The following PLCB3 variants were observed in gnomAD, a reference collection of about 807,000 sequenced individuals.
The protein encoded by PLCB3 is 1-phosphatidylinositol 4,5-bisphosphate phosphodiesterase beta-3.
Under a neutral mutation model 152.1 loss-of-function variants are expected in PLCB3, and 54 were observed. The observed-to-expected ratio is 0.36, with a 90% confidence interval of 0.29 to 0.45. The LOEUF is 0.45. PLCB3 is among the 20% of genes least tolerant of loss of function. The pLI, the probability that PLCB3 is intolerant of heterozygous loss-of-function variation, is 1.00. For synonymous variants in PLCB3, 717 were observed against 698.7 expected (o/e 1.03, Z -0.41); for missense variants, 1,248 against 1,687.5 (o/e 0.74, Z 4.56).
intron 19 of PLCB3, among the ~76,000 whole-genome samples, chr11:64,263,121 T>C (rs1420550647): frequency 6.6e-6 from 1 of 152,230 alleles, no homozygotes; most frequent in Non-Finnish European, 1.5e-5. Flanking sequence ...CAAGCTCATA[T>C]CCGCTCTTCA....
Position 64,267,624 on chromosome 11 carries a change from A to G in PLCB3, c.*68A>G. On this transcript the variant is annotated 3_prime_UTR_variant, in exon 31 of 31. Coordinates refer to ENST00000279230, the MANE Select transcript of PLCB3 (RefSeq NM_000932.5). This position sits in a 1 kb window ranked among gnomAD's most constrained non-coding sequence, Gnocchi z 5.2. ...GTGGAGGGCAGGAGGCAATGACACT[A>G]ATGCTTTTTTTTTTTTTTTTTAACT... The G allele has an allele frequency of 9.6e-7, 1 of 1,036,706 alleles. No homozygotes were observed. The highest frequency in any genetic ancestry group is 1.4e-6 in the Non-Finnish European group (1 of 731,154). 64.2% of individuals were successfully genotyped at this position (1,036,706 alleles called of 1,614,324 possible). A position where few individuals can be genotyped will look rare whatever the true frequency, so the allele number is the denominator to read the frequency against.
chr11:64,269,431 C>T (rs564995162), downstream of PLCB3, among the ~76,000 whole-genome samples: 1 of 152,258 alleles, frequency 6.6e-6, no homozygotes, highest in South Asian at 2.1e-4. Context: ...CGCATGAAGC[C>T]TCAGTTTCCA....
intron 10 of PLCB3, among the ~76,000 whole-genome samples, chr11:64,257,108 G>A (rs763921745): frequency 3.4e-5 from 5 of 147,784 alleles, no homozygotes; most frequent in African/African-American, 7.4e-5. Context: ...AGGTTCAAGC[G>A]ATTCTCCTGC....
At chr11:64,263,332 G>T in intron 19 of PLCB3, 166 bp from the exon 20 acceptor site, 1 of 594,376 alleles carries the variant, frequency 1.7e-6, no homozygotes, top group Non-Finnish European at 3.0e-6. Context: ...CCAGGACATG[G>T]AAGTGGGGTC....
chr11:64,265,623 G>A lies in PLCB3; in HGVS notation c.3035+121G>A, dbSNP rs963607698. 55 of 1,436,854 alleles carry A rather than the reference G, an allele frequency of 3.8e-5. 2 individuals carry two copies. The East Asian group carries it at 1.2e-3, about 32-fold the overall frequency. 89.0% of individuals were successfully genotyped at this position (1,436,854 alleles called of 1,614,324 possible). A position where few individuals can be genotyped will look rare whatever the true frequency, so the allele number is the denominator to read the frequency against. On this transcript the variant is annotated intron_variant, in intron 25 of 30. Coordinates refer to ENST00000279230, the MANE Select transcript of PLCB3 (RefSeq NM_000932.5). The stretch of plus-strand genomic sequence containing the variant: ...TGACCCCCAGGGAGGAGGGTTCAGT[G>A]CAAGGATGGAGGAGGCTTTCCACAC...
rs574615761 is a variant in PLCB3 at position 64,258,377 on chromosome 11, C to T, written c.1013-96C>T. 39 of 1,394,554 alleles carry T rather than the reference C, an allele frequency of 2.8e-5. No individual in the cohort carries two copies. The African/African-American group carries it at 4.7e-4, about 17-fold the overall frequency. The allele number at this position is 1,394,554 out of a possible 1,614,324, so 86.4% of individuals were successfully genotyped here. A position where few individuals can be genotyped will look rare whatever the true frequency, so the allele number is the denominator to read the frequency against. Reference sequence around the variant, plus strand: ...GTATCCATCTGAGAGATGGAGAGCCCTCTGCAAATCCAGCATGTCCTGGTT... The same window carrying T: ...GTATCCATCTGAGAGATGGAGAGCCTTCTGCAAATCCAGCATGTCCTGGTT... On this transcript the variant is annotated intron_variant, in intron 10 of 30. Coordinates refer to ENST00000279230, the MANE Select transcript of PLCB3 (RefSeq NM_000932.5). This position sits in a 1 kb window ranked among gnomAD's most constrained non-coding sequence, Gnocchi z 7.2.
chr11:64,265,456 G>T lies in PLCB3; in HGVS notation c.2989G>T (p.Ala997Ser). Residue 997 changes from alanine (A) to serine (S), a missense_variant, in exon 25 of 31, where the codon GCT becomes TCT. By Grantham distance (99) the Ala-to-Ser change is moderately conservative. This residue lies in a region of PLCB3 where 477 missense variants were observed against 489.6 expected (regional missense o/e 0.97). Coordinates refer to ENST00000279230, the MANE Select transcript of PLCB3 (RefSeq NM_000932.5). ...CACCCGCCGCCTGCTGGATGGCCTG[G>T]CTCAGGCACAGGCTGAGGGCAGGTG... ...TLTRRLLDGL[A>S]QAQAEGRCRL... The T allele has an allele frequency of 6.2e-7, 1 of 1,609,300 alleles. No individual in the cohort carries two copies.
chr11:64,255,781 C>T lies in PLCB3; in HGVS notation c.658C>T (p.Leu220=). 1.9e-6 allele frequency: 3 copies of T among 1,614,066 alleles called. No individual in the cohort carries two copies. In the Middle Eastern group the frequency reaches 4.9e-4, roughly 266 times the overall value. The change falls in exon 8 of 31, where the codon CTG becomes TTG. Residue 220 remains leucine, a synonymous_variant. Coordinates refer to ENST00000279230, the MANE Select transcript of PLCB3 (RefSeq NM_000932.5). The surrounding 1 kb of genome is among the most constrained non-coding windows in gnomAD (Gnocchi z 6.8). ...AATCTTTGAGCGGTTCCTGAACAAG[C>T]TGTGTCTGCGGCCGGACATTGACAA... ...LEIFERFLNK[L]CLRPDIDKIL... is the part of the protein sequence containing the mutation.
Position 64,265,198 on chromosome 11 carries a change from G to T in PLCB3, c.2813G>T (p.Arg938Leu), listed in dbSNP as rs766576084. 6.3e-7 allele frequency: 1 copy of T among 1,598,294 alleles called. No homozygotes were observed. Among genetic ancestry groups the T allele is most frequent in the Middle Eastern group, 1.7e-4 (1 of 6,032 alleles). ...CAGGGCCTCTGCTCCCCAGGGCAGCGTGATGATCTCATCGCCAGCATCCTC... is the reference window on the plus strand; with the variant it reads ...CAGGGCCTCTGCTCCCCAGGGCAGCTTGATGATCTCATCGCCAGCATCCTC... ...ASTSLSSPGQRDDLIASILSE... is the reference protein window; with the variant it reads ...ASTSLSSPGQLDDLIASILSE... Residue 938 changes from arginine (R) to leucine (L), a missense_variant, in exon 24 of 31, where the codon CGT (arginine) becomes CTT (leucine). Arg to Leu is a moderately radical substitution (Grantham distance 102). Transcript: ENST00000279230.
chr11:64,254,495 G>A lies in PLCB3; in HGVS notation c.177+3G>A, dbSNP rs1210967797. 8 of 1,613,218 alleles carry A rather than the reference G, an allele frequency of 5.0e-6. No individual in the cohort carries two copies. Among genetic ancestry groups the A allele is most frequent in the Non-Finnish European group, 6.8e-6 (8 of 1,179,608 alleles). ...TGTACTGGACGGGCCCCAACATGGT[G>A]AGGGTGGGCGCTGGTGCAGCTCGCT... is the stretch of plus-strand genomic sequence containing the variant. On this transcript the variant is annotated splice_donor_region_variant and intron_variant, in intron 2 of 30. Transcript: ENST00000279230.
rs750494020 is a variant in PLCB3, at chr11:64,265,094, C to T, written c.2796C>T (p.Leu932=). 3.2e-6 allele frequency: 5 copies of T among 1,550,432 alleles called. No homozygotes were observed. In the Admixed American group the frequency reaches 7.7e-5, roughly 24 times the overall value. The change falls in exon 23 of 31, where the codon CTC becomes CTT. Residue 932 remains leucine, a synonymous_variant. Coordinates refer to ENST00000279230, the MANE Select transcript of PLCB3 (RefSeq NM_000932.5). The stretch of plus-strand genomic sequence containing the variant: ...CCACCTCCCCTGCCAGCACCTCCCT[C>T]AGCAGCCCAGGTAAGGAGTGGCCTG... ...GPTTSPASTS[L]SSPGQRDDLI...
chr11:64,265,243 C>G lies in PLCB3; in HGVS notation c.2842+16C>G. 6.3e-7 allele frequency: 1 copy of G among 1,595,978 alleles called. No individual in the cohort carries two copies. The highest frequency in any genetic ancestry group is 8.5e-7 in the Non-Finnish European group (1 of 1,170,568). On this transcript the variant is annotated intron_variant, in intron 24 of 30. Coordinates refer to ENST00000279230, the MANE Select transcript of PLCB3 (RefSeq NM_000932.5). ...ATCCTCTCAGGTAGGGGGCGGGGTA[C>G]CTGGAGGCAGGGGGCTGCCTTGCAG...
At position 64,267,814 on chromosome 11, in the gene PLCB3, C is replaced by T. The variant is rs1295152166; in HGVS notation, c.*258C>T. The T allele has an allele frequency of 1.6e-5, 7 of 444,146 alleles. No individual in the cohort carries two copies. The South Asian group carries it at 3.1e-4, about 20-fold the overall frequency. The allele number at this position is 444,146 out of a possible 1,614,324, so 27.5% of individuals were successfully genotyped here. A position where few individuals can be genotyped will look rare whatever the true frequency, so the allele number is the denominator to read the frequency against. On this transcript the variant is annotated 3_prime_UTR_variant, in exon 31 of 31. Transcript: ENST00000279230. The surrounding 1 kb of genome is among the most constrained non-coding windows in gnomAD (Gnocchi z 5.2). ...CCCTCGAGCTAGCAGCGTCTCCTCC[C>T]TTCCCCGGGAGAGCTGGCTGGAGAC...
At position 64,265,278 on chromosome 11, in the gene PLCB3, C is replaced by T. The variant is rs772320989; in HGVS notation, c.2843-32C>T. 6 of 1,435,012 alleles carry T rather than the reference C, an allele frequency of 4.2e-6. No homozygotes were observed. In the African/African-American group the frequency reaches 5.6e-5, roughly 13 times the overall value. 88.9% of individuals were successfully genotyped at this position (1,435,012 alleles called of 1,614,324 possible). A position where few individuals can be genotyped will look rare whatever the true frequency, so the allele number is the denominator to read the frequency against. ...GGGGGCTGCCTTGCAGGTTCCCCCA[C>T]CCCCCGCCCACCTTTGCTCTGCCGC... On this transcript the variant is annotated intron_variant, in intron 24 of 30. Coordinates refer to ENST00000279230, the MANE Select transcript of PLCB3 (RefSeq NM_000932.5).
intron 14 of PLCB3, 93 bp from the exon 15 acceptor site, chr11:64,261,307 G>T: frequency 1.1e-6 from 1 of 909,044 alleles, no homozygotes; most frequent in South Asian, 1.3e-5. Context: ...ATAGTGCTGG[G>T]AAGAGGGTCA....
chr11:64,267,083 T>A lies in PLCB3; in HGVS notation c.3415-102T>A, dbSNP rs2032160469. 3 of 1,007,798 alleles carry A rather than the reference T, an allele frequency of 3.0e-6. No homozygotes were observed. The highest frequency in any genetic ancestry group is 4.5e-6 in the Non-Finnish European group (3 of 662,894). 62.4% of individuals were successfully genotyped at this position (1,007,798 alleles called of 1,614,324 possible). ...TGCTGGGATTATAGATGTGAGCCAC[T>A]GCACCCGGCCTCGCCCACCTGACTT... On this transcript the variant is annotated intron_variant, in intron 29 of 30. Coordinates refer to ENST00000279230, the MANE Select transcript of PLCB3 (RefSeq NM_000932.5). The surrounding 1 kb of genome is among the most constrained non-coding windows in gnomAD (Gnocchi z 5.2).
At chr11:64,259,901 C>T (rs1565333717) in intron 13 of PLCB3, 128 bp from the exon 14 acceptor site, 3 of 755,330 alleles carry the variant, frequency 4.0e-6, no homozygotes, top group Non-Finnish European at 6.5e-6. Flanking sequence ...CCCCAAGCCA[C>T]ACTGCCCTGA....
Position 64,258,913 on chromosome 11 carries a change from T to C in PLCB3, c.1282T>C (p.Tyr428His). Residue 428 changes from tyrosine (Y) to histidine (H), a missense_variant, in exon 12 of 31, where the codon TAC (tyrosine) becomes CAC (histidine). By Grantham distance (83) the Tyr-to-His change is moderately conservative (BLOSUM62 2). Around this residue, in one of 6 missense-constraint regions of PLCB3, gnomAD observed 122 missense variants for 221.8 expected, o/e 0.55. Transcript: ENST00000279230. The surrounding 1 kb of genome is among the most constrained non-coding windows in gnomAD (Gnocchi z 7.2). ...SAKQQAKMAE[Y>H]CRSIFGDALL... The stretch of plus-strand genomic sequence containing the variant: ...AAAGCAACAGGCAAAGATGGCTGAG[T>C]ACTGCCGCTCCATCTTTGGAGACGC... 6.2e-7 allele frequency: 1 copy of C among 1,613,908 alleles called. No individual in the cohort carries two copies. The highest frequency in any genetic ancestry group is 1.1e-5 in the South Asian group (1 of 91,084).
chr11:64,263,016 G>T (rs2848997), intron 19 of PLCB3, among the ~76,000 whole-genome samples: 1 of 152,194 alleles, frequency 6.6e-6, no homozygotes, highest in Non-Finnish European at 1.5e-5. Flanking sequence ...AAGGTGAGAT[G>T]GGGGTTGGGG....
Sources: gnomAD v4.1 joint callset for allele counts (sites outside exome capture counted in the v4.1 genomes callset) on GRCh38, gnomAD v4.1.1 for gene constraint, gnomAD v4.1.1 regional missense constraint, Gnocchi (gnomAD v3.1) non-coding constraint, MANE v1.5 for transcripts, NCBI Gene and HGNC (gene_info 2026-07-23, HGNC 2026-07-21) for gene names.